Variants in DCC observed in about 807,000 individuals in gnomAD.
DCC encodes netrin receptor DCC.
In DCC, 58 loss-of-function variants were observed where a neutral mutation model predicts 172.5. The observed-to-expected ratio is 0.34, with a 90% CI of 0.27 to 0.42. The LOEUF is 0.42. Among genes scored for constraint, DCC ranks in the 10% least tolerant of loss-of-function variants. DCC has a pLI of 1.00. For missense variants in DCC, 1,740 were observed against 1,791.0 expected, an observed-to-expected ratio of 0.97 and a Z score of 0.51; for synonymous variants, 709 against 644.5, an observed-to-expected ratio of 1.10 and a Z score of -1.52.
rs1197787038 is a variant in DCC, at chr18:53,109,148, G to C, written c.1261+42982G>C. Among the ~76,000 whole-genome samples, 7 of 151,408 alleles carry C rather than the reference G, an allele frequency of 4.6e-5. No homozygotes were observed. The Admixed American group carries it at 4.6e-4, about 10-fold the overall frequency. On this transcript the variant is annotated intron_variant, in intron 7 of 28. Transcript: ENST00000442544. ...AATATGTACTTCCCTGATGACTAATGAGGGTAGTCAGCTTTTTGTATATTT... is the reference window on the plus strand; with the variant it reads ...AATATGTACTTCCCTGATGACTAATCAGGGTAGTCAGCTTTTTGTATATTT...
At chr18:53,144,060 TATC>T (rs1258459201) in intron 7 of DCC, among the ~76,000 whole-genome samples, 4 of 152,216 alleles carry the variant, frequency 2.6e-5, no homozygotes, top group Non-Finnish European at 4.4e-5. Context: ...CCCTTTCTAT[TATC>T]ATCTTTTCTA....
chr18:52,668,739 G>T (rs2035500006), intron 1 of DCC, among the ~76,000 whole-genome samples: 1 of 152,200 alleles, frequency 6.6e-6, no homozygotes, highest in African/African-American at 2.4e-5. Context: ...TTTGACAGAG[G>T]TTCCTACTGA....
intron 1 of DCC, among the ~76,000 whole-genome samples, chr18:52,376,505 G>A (rs1985354243): frequency 6.6e-6 from 1 of 152,060 alleles, no homozygotes; most frequent in Non-Finnish European, 1.5e-5. Context: ...GTGTGTGTGT[G>A]TGTATATGTG....
At chr18:52,740,962 C>T (rs1457380545) in intron 1 of DCC, among the ~76,000 whole-genome samples, 2 of 152,218 alleles carry the variant, frequency 1.3e-5, no homozygotes, top group Middle Eastern at 3.4e-3. Context: ...GCTGAAGATG[C>T]CTCCTTGTTT....
chr18:53,111,786 C>A lies in DCC; in HGVS notation c.1262-45570C>A, dbSNP rs184963987. ...AATAACTGCATATGCAATAGAACCT[C>A]TAAGTATAATGAATCTGAAAAGAAA... On this transcript the variant is annotated intron_variant, in intron 7 of 28. Coordinates refer to ENST00000442544, the MANE Select transcript of DCC (RefSeq NM_005215.4). 9.2e-4 allele frequency among the ~76,000 whole-genome samples: 140 copies of A among 151,738 alleles called. 1 individual carries two copies. Among genetic ancestry groups the A allele is most frequent in the African/African-American group, 3.2e-3 (134 of 41,478 alleles).
At chr18:53,455,743 C>A (rs1568143200) in intron 23 of DCC, among the ~76,000 whole-genome samples, 1 of 152,174 alleles carries the variant, frequency 6.6e-6, no homozygotes, top group Non-Finnish European at 1.5e-5. Context: ...GCCAAGGCCT[C>A]CTATGTTTTT....
intron 1 of DCC, among the ~76,000 whole-genome samples, chr18:52,367,530 A>G (rs1433048118): frequency 6.6e-6 from 1 of 152,220 alleles, no homozygotes; most frequent in Non-Finnish European, 1.5e-5. Flanking sequence ...TCTAATCTCA[A>G]CTTCTCTGAA....
intron 1 of DCC, among the ~76,000 whole-genome samples, chr18:52,661,576 C>T (rs1196443363): frequency 6.6e-6 from 1 of 152,254 alleles, no homozygotes; most frequent in Non-Finnish European, 1.5e-5. Context: ...GAATTCCTCT[C>T]TGGAAAACTG....
chr18:52,435,980 GA>G (rs2144483896), intron 1 of DCC, among the ~76,000 whole-genome samples: 1 of 152,320 alleles, frequency 6.6e-6, no homozygotes, highest in African/African-American at 2.4e-5. Flanking sequence ...TCCCCAGTAG[GA>G]CATTGTCTCT....
chr18:53,215,706 G>A (rs887761674), intron 12 of DCC, 109 bp downstream of exon 12: 44 of 883,660 alleles, frequency 5.0e-5, no homozygotes, highest in Non-Finnish European at 7.6e-5. Flanking sequence ...GCTTCCATGT[G>A]CAGAAATGTT....
intron 26 of DCC, among the ~76,000 whole-genome samples, chr18:53,487,343 A>G (rs777952689): frequency 5.3e-5 from 8 of 152,226 alleles, no homozygotes; most frequent in Non-Finnish European, 7.3e-5. Context: ...TGATGAACCA[A>G]TAACTTGGGT....
chr18:53,006,984 T>C lies in DCC; in HGVS notation c.986-56321T>C, dbSNP rs141784339. Among the ~76,000 whole-genome samples the C allele has an allele frequency of 4.6e-5, 7 of 152,332 alleles. No individual in the cohort carries two copies. The East Asian group carries it at 1.4e-3, about 29-fold the overall frequency. On this transcript the variant is annotated intron_variant, in intron 5 of 28. Coordinates refer to ENST00000442544, the MANE Select transcript of DCC (RefSeq NM_005215.4). ...CAGAAATGGTATATTCAACAGAAGC[T>C]TAGTAATCACTATAGGCTGATTTGA...
intron 8 of DCC, among the ~76,000 whole-genome samples, chr18:53,172,824 A>G (rs1036880555): frequency 6.6e-6 from 1 of 151,972 alleles, no homozygotes; most frequent in Non-Finnish European, 1.5e-5. Flanking sequence ...TTTTTCCACT[A>G]TTGTTGAATG....
intron 1 of DCC, among the ~76,000 whole-genome samples, chr18:52,568,088 G>A (rs1353102263): frequency 1.3e-5 from 2 of 152,072 alleles, no homozygotes; most frequent in African/African-American, 4.8e-5. Flanking sequence ...TACTTGGGGG[G>A]TGCACTGAGT....
chr18:53,150,625 G>A (rs1018534200), intron 7 of DCC, among the ~76,000 whole-genome samples: 2 of 152,208 alleles, frequency 1.3e-5, no homozygotes, highest in Non-Finnish European at 2.9e-5. Flanking sequence ...AGGTAGAGGG[G>A]CCTAAGCCAG....
intron 1 of DCC, among the ~76,000 whole-genome samples, chr18:52,476,645 C>T (rs1989102613): frequency 6.6e-6 from 1 of 152,048 alleles, no homozygotes; most frequent in African/African-American, 2.4e-5. Context: ...AACAAGATTC[C>T]CATTTTAGTC....
chr18:53,025,650 T>C (rs747773837), intron 5 of DCC, among the ~76,000 whole-genome samples: 1 of 152,108 alleles, frequency 6.6e-6, no homozygotes, highest in Non-Finnish European at 1.5e-5. Context: ...CCAAAAGTTA[T>C]ATTTATCATG....
At chr18:52,351,946 T>C (rs964971328) in intron 1 of DCC, among the ~76,000 whole-genome samples, 1 of 152,174 alleles carries the variant, frequency 6.6e-6, no homozygotes, top group Non-Finnish European at 1.5e-5. Flanking sequence ...CACTGGATGT[T>C]GCAAAGATTG....
intron 2 of DCC, among the ~76,000 whole-genome samples, chr18:52,859,654 G>A (rs1886360250): frequency 6.6e-6 from 1 of 152,182 alleles, no homozygotes; most frequent in South Asian, 2.1e-4. Context: ...ATCTGGACTA[G>A]AGAAAGCCTG....
Sources: allele counts gnomAD v4.1 joint callset (sites outside exome capture counted in the v4.1 genomes callset), GRCh38; gene constraint gnomAD v4.1.1; transcripts MANE v1.5; gene names NCBI Gene and HGNC (gene_info 2026-07-23, HGNC 2026-07-21).